The following RACK1 variants were observed in gnomAD, a reference collection of about 807,000 sequenced individuals.
The protein encoded by RACK1 is small ribosomal subunit protein RACK1.
A neutral mutation model predicts 42.2 loss-of-function variants in RACK1; 3 were observed. That is an observed-to-expected ratio of 0.07 (90% confidence interval 0.03 to 0.18). The LOEUF is 0.18. RACK1 is among the 10% of genes least tolerant of loss of function. The pLI is 1.00. For synonymous variants in RACK1, 181 were observed against 154.8 expected, an observed-to-expected ratio of 1.17 and a Z score of -1.25; for missense variants, 146 against 403.2, an observed-to-expected ratio of 0.36 and a Z score of 5.46.
intron 1 of RACK1, chr5:181,243,311 G>A (rs1387057674): frequency 1.5e-6 from 2 of 1,361,148 alleles, no homozygotes. Context: ...GGGCCGGGCG[G>A]CAGCTCAGAA....
chr5:181,238,960 A>C, intron 5 of RACK1, 107 bp downstream of exon 5: 1 of 795,044 alleles, frequency 1.3e-6, no homozygotes, highest in Non-Finnish European at 2.3e-6. Context: ...TTATCCTCCT[A>C]AAACCATCTT....
At position 181,242,154 on chromosome 5, in the gene RACK1, C is replaced by A. The variant is rs780890063; in HGVS notation, c.281+20G>T. 41 of 1,603,540 alleles carry A rather than the reference C, an allele frequency of 2.6e-5. No individual in the cohort carries two copies. The highest frequency in any genetic ancestry group is 3.4e-5 in the Non-Finnish European group (40 of 1,174,386). On this transcript the variant is annotated intron_variant, in intron 2 of 7. Transcript: ENST00000512805. ...CCAGATTCTTCCCAAGGCCCCAGAG[C>A]TAAGTGAGCAGCTACTTGCGTTGTG...
chr5:181,238,243 G>A lies in RACK1; in HGVS notation c.637-4C>T. ...CCCATAACATGGCCTGGCCATCCTG[G>A]ACACAGGTAAGGTAAATCAGGACAC... On this transcript the variant is annotated splice_region_variant and splice_polypyrimidine_tract_variant and intron_variant, in intron 5 of 7. Transcript: ENST00000512805. 3 of 1,613,984 alleles carry A rather than the reference G, an allele frequency of 1.9e-6. No homozygotes were observed. Among genetic ancestry groups the A allele is most frequent in the Non-Finnish European group, 1.7e-6 (2 of 1,179,940 alleles).
rs759004639 is a variant in RACK1 at position 181,243,243 on chromosome 5, T to G, written c.109+449A>C. 3.7e-6 allele frequency: 5 copies of G among 1,337,800 alleles called. No individual in the cohort carries two copies. In the South Asian group the frequency reaches 4.7e-5, roughly 12 times the overall value. The allele number at this position is 1,337,800 out of a possible 1,614,324, so 82.9% of individuals were successfully genotyped here. A position where few individuals can be genotyped will look rare whatever the true frequency, so the allele number is the denominator to read the frequency against. ...CGGGGAGAACCAGGGGCAGAAAAAG[T>G]AGGCCGACACTTGAGCCACGAGGTC... On this transcript the variant is annotated intron_variant, in intron 1 of 7. Transcript: ENST00000512805.
At chr5:181,243,427 A>G (rs781521097) in intron 1 of RACK1, 111 of 1,506,400 alleles carry the variant, frequency 7.4e-5, no homozygotes, top group African/African-American at 9.7e-5. Flanking sequence ...AAGGCAAAAG[A>G]TATTTTAAAA....
At chr5:181,238,853 T>A (rs1582293953) in intron 5 of RACK1, 1 of 601,092 alleles carries the variant, frequency 1.7e-6, no homozygotes, top group Non-Finnish European at 3.1e-6. Flanking sequence ...ACCCACAGGC[T>A]TATAGAAAAT....
intron 3 of RACK1, 86 bp downstream of exon 3, chr5:181,241,406 G>T: frequency 4.0e-6 from 5 of 1,237,478 alleles, no homozygotes; most frequent in Non-Finnish European, 5.6e-6. Flanking sequence ...CTCCAGCTTG[G>T]GCAAGAGTGA....
intron 2 of RACK1, 56 bp downstream of exon 2, chr5:181,242,118 C>G (rs1447972338): frequency 2.0e-6 from 3 of 1,495,792 alleles, no homozygotes; most frequent in African/African-American, 2.8e-5. Flanking sequence ...TTGCATCCAC[C>G]TCACTTCTGC....
intron 1 of RACK1, 146 bp downstream of exon 1, chr5:181,243,546 C>T (rs535673815): frequency 1.4e-6 from 2 of 1,394,088 alleles, no homozygotes; most frequent in East Asian, 2.5e-5. Flanking sequence ...CCGCACGCCC[C>T]AATTCACAAT....
chr5:181,238,056 CAG>C (rs1228796492), intron 6 of RACK1, 41 bp downstream of exon 6: 1 of 1,606,166 alleles, frequency 6.2e-7, no homozygotes, highest in South Asian at 1.1e-5. Flanking sequence ...TGCCAGGGCT[CAG>C]AGTGCAGCCA....
Position 181,238,034 on chromosome 5 carries a change from T to C in RACK1, c.777+65A>G, listed in dbSNP as rs1475488440. 16 of 1,568,690 alleles carry C rather than the reference T, an allele frequency of 1.0e-5. 1 individual carries two copies. Among genetic ancestry groups the C allele is most frequent in the South Asian group, 2.2e-5 (2 of 89,502 alleles). On this transcript the variant is annotated intron_variant, in intron 6 of 7. Coordinates refer to ENST00000512805, the MANE Select transcript of RACK1 (RefSeq NM_006098.5). ...GGTGGGAGTCAGATGGCATATATAATAACCAAAACATTGCCAGGGCTCAGA... is the reference window on the plus strand; with the variant it reads ...GGTGGGAGTCAGATGGCATATATAACAACCAAAACATTGCCAGGGCTCAGA...
Position 181,243,803 on chromosome 5 carries a change from C to G in RACK1, c.-3G>C. 6.3e-7 allele frequency: 1 copy of G among 1,599,348 alleles called. No individual in the cohort carries two copies. Among genetic ancestry groups the G allele is most frequent in the Non-Finnish European group, 8.5e-7 (1 of 1,173,124 alleles). Reference sequence around the variant, plus strand: ...CGAAGGGTCATCTGCTCAGTCATGGCGGCGGCGAGAGCGTGTGTCGCTGCA... The same window carrying G: ...CGAAGGGTCATCTGCTCAGTCATGGGGGCGGCGAGAGCGTGTGTCGCTGCA... On this transcript the variant is annotated 5_prime_UTR_variant, in exon 1 of 8. Transcript: ENST00000512805.
At chr5:181,243,074 G>T in intron 1 of RACK1, 1 of 373,936 alleles carries the variant, frequency 2.7e-6, no homozygotes, top group Admixed American at 3.6e-5. Flanking sequence ...AGGATTGGAT[G>T]CTTTTACTGA....
At chr5:181,241,429 A>AAAAAAAAAC in intron 3 of RACK1, 63 bp downstream of exon 3, 1 of 894,396 alleles carries the variant, frequency 1.1e-6, no homozygotes, top group South Asian at 2.6e-5. Flanking sequence ...CTGTCGCCAA[A>AAAAAAAAAC]AAAAAAAAAA....
intron 1 of RACK1, 104 bp from the exon 2 acceptor site, chr5:181,242,449 C>A: frequency 2.7e-6 from 2 of 742,204 alleles, no homozygotes; most frequent in African/African-American, 1.8e-5. Context: ...TTAACAACAA[C>A]TAAGGACGCT....
At position 181,238,992 on chromosome 5, in the gene RACK1, G is replaced by A. The variant is rs764242741; in HGVS notation, c.636+75C>T. ...TCTTGGCTAATGTTTGCCATTTTACGTTAGAGACGCTGGCTAAGTGCTCCT... is the reference window on the plus strand; with the variant it reads ...TCTTGGCTAATGTTTGCCATTTTACATTAGAGACGCTGGCTAAGTGCTCCT... On this transcript the variant is annotated intron_variant, in intron 5 of 7. Coordinates refer to ENST00000512805, the MANE Select transcript of RACK1 (RefSeq NM_006098.5). 1.4e-4 allele frequency: 132 copies of A among 930,698 alleles called. No homozygotes were observed. The South Asian group carries it at 1.6e-3, about 11-fold the overall frequency. 57.7% of individuals were successfully genotyped at this position (930,698 alleles called of 1,614,324 possible). A position where few individuals can be genotyped will look rare whatever the true frequency, so the allele number is the denominator to read the frequency against.
At chr5:181,238,806 AAAC>A (rs1395066366) in intron 5 of RACK1, 2 of 450,792 alleles carry the variant, frequency 4.4e-6, no homozygotes, top group Non-Finnish European at 4.0e-6. Context: ...CTCAAAAAAA[AAAC>A]AAAAAACAAA....
chr5:181,238,295 G>A, intron 5 of RACK1, 56 bp from the exon 6 acceptor site: 1 of 1,565,744 alleles, frequency 6.4e-7, no homozygotes, highest in Admixed American at 1.7e-5. Flanking sequence ...TGTTAATTCT[G>A]CCCATCTCAA....
chr5:181,238,429 A>C, intron 5 of RACK1, 190 bp from the exon 6 acceptor site: 1 of 571,158 alleles, frequency 1.8e-6, no homozygotes, highest in Non-Finnish European at 3.1e-6. Context: ...TACCAACCCC[A>C]TCAAAAAACC....
Sources: allele counts gnomAD v4.1 joint callset, GRCh38; gene constraint gnomAD v4.1.1; transcripts MANE v1.5; gene names NCBI Gene and HGNC (gene_info 2026-07-23, HGNC 2026-07-21).